The following PCDHGA3 variants were observed in gnomAD, a reference collection of about 807,000 sequenced individuals.
The protein encoded by PCDHGA3 is protocadherin gamma-A3.
In PCDHGA3, 40 loss-of-function variants were observed where a neutral mutation model predicts 58.5. That is an observed-to-expected ratio of 0.68 (90% CI 0.53 to 0.89). PCDHGA3 has a LOEUF of 0.89. Ranked by LOEUF, PCDHGA3 falls within the 40% of genes least tolerant of loss-of-function variation. The pLI, the probability that PCDHGA3 is intolerant of heterozygous loss-of-function variation, is 0.00. For missense variants in PCDHGA3, 1,223 were observed against 1,195.9 expected (o/e 1.02, Z -0.33); for synonymous variants, 530 against 525.7 (o/e 1.01, Z -0.11).
intron 1 of PCDHGA3, among the ~76,000 whole-genome samples, chr5:141,472,648 C>G (rs762736307): frequency 1.3e-5 from 2 of 151,864 alleles, no homozygotes; most frequent in African/African-American, 4.8e-5. Flanking sequence ...TGTGTTGAAT[C>G]AGTATATAAA....
At chr5:141,350,570 G>A in intron 1 of PCDHGA3, 1 of 1,614,054 alleles carries the variant, frequency 6.2e-7, no homozygotes, top group Non-Finnish European at 8.5e-7. Flanking sequence ...ACTAGAATTC[G>A]AAACGGTCGC....
intron 1 of PCDHGA3, among the ~76,000 whole-genome samples, chr5:141,382,046 C>G (rs1241597403): frequency 6.6e-6 from 1 of 151,928 alleles, no homozygotes. Flanking sequence ...TCAGGCTGGT[C>G]TCAAGCTCCC....
chr5:141,385,298 G>A (rs1409031209), intron 1 of PCDHGA3: 2 of 1,612,982 alleles, frequency 1.2e-6, no homozygotes, highest in Non-Finnish European at 8.5e-7. Context: ...TTTCAGGAAT[G>A]TAAAGAAAAC....
chr5:141,487,397 G>C lies in PCDHGA3; in HGVS notation c.2425-7410G>C. On this transcript the variant is annotated intron_variant, in intron 1 of 3. Coordinates refer to ENST00000253812, the MANE Select transcript of PCDHGA3 (RefSeq NM_018916.4). The surrounding 1 kb of genome is among the most constrained non-coding windows in gnomAD (Gnocchi z 5.0). ...TCTCACCAGATCTCGAAGGAGGGAG[G>C]GGCTTCCCCCTTCCAATGGGATCCT... The C allele has an allele frequency of 6.2e-7, 1 of 1,614,062 alleles. No homozygotes were observed. The highest frequency in any genetic ancestry group is 8.5e-7 in the Non-Finnish European group (1 of 1,180,008).
At chr5:141,390,922 A>G (rs935110449) in intron 1 of PCDHGA3, 8 of 152,482 alleles carry the variant, frequency 5.2e-5, no homozygotes, top group Non-Finnish European at 1.0e-4. Context: ...AAGGTCTACT[A>G]TGCTCATTAG....
chr5:141,444,588 A>G (rs1486905298), intron 1 of PCDHGA3, among the ~76,000 whole-genome samples: 1 of 152,138 alleles, frequency 6.6e-6, no homozygotes, highest in Non-Finnish European at 1.5e-5. Flanking sequence ...CTTTCTACTT[A>G]CCTTATTTAA....
At chr5:141,419,254 C>A in intron 1 of PCDHGA3, 1 of 1,614,020 alleles carries the variant, frequency 6.2e-7, no homozygotes, top group Non-Finnish European at 8.5e-7. Context: ...CAGAAAACAA[C>A]CAGCCGGGTG....
Position 141,364,781 on chromosome 5 carries a change from C to G in PCDHGA3, c.2424+18324C>G, listed in dbSNP as rs754157065. On this transcript the variant is annotated intron_variant, in intron 1 of 3. Transcript: ENST00000253812. ...TAATGAAAATGCGGCTGCAGGGACA[C>G]GGTTAGTGCTTCCCTTCGCGCGGGA... 5 of 1,613,988 alleles carry G rather than the reference C, an allele frequency of 3.1e-6. No homozygotes were observed. The South Asian group carries it at 3.3e-5, about 11-fold the overall frequency.
intron 1 of PCDHGA3, among the ~76,000 whole-genome samples, chr5:141,381,816 C>G (rs1588905035): frequency 8.2e-6 from 1 of 122,550 alleles, no homozygotes. Context: ...TTCTTTCTTT[C>G]TTTCTTCTTC....
In PCDHGA3 at chr5:141,486,667, G is replaced by A; in HGVS notation, c.2425-8140G>A. On this transcript the variant is annotated intron_variant, in intron 1 of 3. Coordinates refer to ENST00000253812, the MANE Select transcript of PCDHGA3 (RefSeq NM_018916.4). The surrounding 1 kb of genome is among the most constrained non-coding windows in gnomAD (Gnocchi z 5.0). ...TCTCCTACTCACTCCTGGAGCCCAG[G>A]AATCGAGATGTATCAGCTTCCTCTT... 4 of 1,613,948 alleles carry A rather than the reference G, an allele frequency of 2.5e-6. No individual in the cohort carries two copies. Among genetic ancestry groups the A allele is most frequent in the Non-Finnish European group, 3.4e-6 (4 of 1,180,014 alleles).
chr5:141,422,253 T>C (rs917280432), intron 1 of PCDHGA3: 58 of 1,566,438 alleles, frequency 3.7e-5, no homozygotes, highest in Non-Finnish European at 5.0e-5. Context: ...TGGATGTGAA[T>C]GATAACGCTC....
intron 2 of PCDHGA3, among the ~76,000 whole-genome samples, chr5:141,495,994 T>C (rs2099765151): frequency 6.6e-6 from 1 of 152,146 alleles, no homozygotes; most frequent in Non-Finnish European, 1.5e-5. Flanking sequence ...ATCTCTCTTT[T>C]TCTTTTATCT....
Position 141,423,358 on chromosome 5 carries a change from G to A in PCDHGA3, c.2425-71449G>A, listed in dbSNP as rs202010010. The A allele has an allele frequency of 2.3e-4, 371 of 1,614,078 alleles. 1 individual carries two copies. The highest frequency in any genetic ancestry group is 2.8e-4 in the Non-Finnish European group (334 of 1,180,024). ...CTGCATCTTCCTGGTCTTTGTCATC[G>A]TGCTGCTGGCACTCAGGCTGTGGCG... On this transcript the variant is annotated intron_variant, in intron 1 of 3. Coordinates refer to ENST00000253812, the MANE Select transcript of PCDHGA3 (RefSeq NM_018916.4).
intron 1 of PCDHGA3, chr5:141,399,579 C>T: frequency 6.2e-7 from 1 of 1,614,026 alleles, no homozygotes; most frequent in South Asian, 1.1e-5. Context: ...GCCAAGTCTC[C>T]TACTCTATCA....
intron 1 of PCDHGA3, among the ~76,000 whole-genome samples, chr5:141,347,616 G>A (rs1322206941): frequency 1.3e-5 from 2 of 152,010 alleles, no homozygotes; most frequent in Admixed American, 1.3e-4. Flanking sequence ...GTGAAAGCCT[G>A]TCTCTACTAA....
intron 1 of PCDHGA3, chr5:141,399,531 G>A (rs771221717): frequency 1.2e-6 from 2 of 1,614,052 alleles, no homozygotes; most frequent in Non-Finnish European, 1.7e-6. Flanking sequence ...CCTCCATCGC[G>A]CAAGTCTGCG....
rs1167791830 is a variant in PCDHGA3 at position 141,420,032 on chromosome 5, G to A, written c.2424+73575G>A. 6.2e-7 allele frequency: 1 copy of A among 1,613,956 alleles called. No individual in the cohort carries two copies. Among genetic ancestry groups the A allele is most frequent in the Non-Finnish European group, 8.5e-7 (1 of 1,179,920 alleles). ...ACAGTCTTTCAGCCCTACTGCAGGA[G>A]ACTGCTTTGAGTCAGTTCTCTGCTC... On this transcript the variant is annotated intron_variant, in intron 1 of 3. Coordinates refer to ENST00000253812, the MANE Select transcript of PCDHGA3 (RefSeq NM_018916.4).
chr5:141,362,640 T>C (rs1454864251), intron 1 of PCDHGA3: 1 of 1,468,046 alleles, frequency 6.8e-7, no homozygotes, highest in Non-Finnish European at 9.1e-7. Flanking sequence ...TATTTCTTTG[T>C]CTGTGAGTTA....
rs1290674122 is a variant in PCDHGA3 at position 141,489,521 on chromosome 5, G to A, written c.2425-5286G>A. 3 of 1,613,988 alleles carry A rather than the reference G, an allele frequency of 1.9e-6. No individual in the cohort carries two copies. The highest frequency in any genetic ancestry group is 2.2e-5 in the East Asian group (1 of 44,886). On this transcript the variant is annotated intron_variant, in intron 1 of 3. Coordinates refer to ENST00000253812, the MANE Select transcript of PCDHGA3 (RefSeq NM_018916.4). This position sits in a 1 kb window ranked among gnomAD's most constrained non-coding sequence, Gnocchi z 4.5. ...GTGAATCAAAAGATTGACCGAGAAAGCCTATGTGGAGCCAGCACCAGCTGC... is the reference window on the plus strand; with the variant it reads ...GTGAATCAAAAGATTGACCGAGAAAACCTATGTGGAGCCAGCACCAGCTGC...
Sources: gnomAD v4.1 joint callset for allele counts (sites outside exome capture counted in the v4.1 genomes callset) on GRCh38, gnomAD v4.1.1 for gene constraint, Gnocchi (gnomAD v3.1) non-coding constraint, MANE v1.5 for transcripts, NCBI Gene and HGNC (gene_info 2026-07-23, HGNC 2026-07-21) for gene names.